The following ATXN1 variants were observed in gnomAD, a reference collection of about 807,000 sequenced individuals.
ATXN1 encodes ataxin 1, also known as ataxin-1.
A neutral mutation model predicts 56.4 loss-of-function variants in ATXN1; 8 were observed. The observed-to-expected ratio is 0.14, with a 90% CI of 0.08 to 0.26. ATXN1 has a LOEUF of 0.26. ATXN1 is among the 10% of genes least tolerant of loss of function. The pLI is 1.00. For missense variants in ATXN1, 987 were observed against 1,106.5 expected, an observed-to-expected ratio of 0.89 and a Z score of 1.53; for synonymous variants, 514 against 494.6, an observed-to-expected ratio of 1.04 and a Z score of -0.52.
At chr6:16,384,089 T>C (rs1016367476) in intron 6 of ATXN1, among the ~76,000 whole-genome samples, 5 of 152,206 alleles carry the variant, frequency 3.3e-5, no homozygotes, top group Non-Finnish European at 2.9e-5. Context: ...ATGCACCTGA[T>C]TGCAACATAT....
intron 6 of ATXN1, among the ~76,000 whole-genome samples, chr6:16,440,648 A>AAAAAAAAAAAAAAAAAGAAAG (rs748929817): frequency 2.7e-3 from 322 of 118,134 alleles, no homozygotes; most frequent in Middle Eastern, 3.9e-3. Context: ...CTTAAAAAAA[A>AAAAAAAAAAAAAAAAAGAAAG]AAAAGAAAAG....
At chr6:16,664,736 C>G (rs1054214402) in intron 2 of ATXN1, among the ~76,000 whole-genome samples, 1 of 151,976 alleles carries the variant, frequency 6.6e-6, no homozygotes, top group Admixed American at 6.6e-5. Flanking sequence ...CACTTAAAAG[C>G]TCCTTGGGTC....
intron 2 of ATXN1, among the ~76,000 whole-genome samples, chr6:16,666,060 C>CT (rs1758418267): frequency 6.6e-6 from 1 of 152,104 alleles, no homozygotes; most frequent in South Asian, 2.1e-4. Flanking sequence ...CCCTATTGTG[C>CT]TACTGAACAC....
chr6:16,588,350 C>T (rs986650153), intron 3 of ATXN1, among the ~76,000 whole-genome samples: 2 of 152,254 alleles, frequency 1.3e-5, no homozygotes, highest in African/African-American at 4.8e-5. Flanking sequence ...ACTTGCACTA[C>T]AGCATGGCTG....
At position 16,402,242 on chromosome 6, in the gene ATXN1, GTTTTTTTTTTTTTTTT is replaced by G. The variant is rs58048762; in HGVS notation, c.-160-73788_-160-73773del. On this transcript the variant is annotated intron_variant, in intron 6 of 7. Coordinates refer to ENST00000436367, the MANE Select transcript of ATXN1 (RefSeq NM_001128164.2). ...CAAGACTTCTCGCCAACCACTGACA[GTTTTTTTTTTTTTTTT>G]TTTTTTTTTTTTTTTTTTTTTTGCT... Among the ~76,000 whole-genome samples the G allele has an allele frequency of 3.1e-3, 191 of 62,108 alleles. 2 individuals are homozygous for G. The highest frequency in any genetic ancestry group is 0.02 in the Middle Eastern group (2 of 100). The allele number at this position is 62,108 out of a possible 152,430, so 40.7% of individuals were successfully genotyped here.
chr6:16,367,775 T>C (rs1270378184), intron 6 of ATXN1, among the ~76,000 whole-genome samples: 1 of 150,896 alleles, frequency 6.6e-6, no homozygotes, highest in Non-Finnish European at 1.5e-5. Context: ...CTAGACTAAA[T>C]TCTTGTTGAC....
intron 6 of ATXN1, among the ~76,000 whole-genome samples, chr6:16,386,990 C>T (rs1401526262): frequency 6.6e-6 from 1 of 152,178 alleles, no homozygotes; most frequent in Non-Finnish European, 1.5e-5. Context: ...ATCATTTTTA[C>T]TCCCAGGGCT....
At chr6:16,675,521 A>G (rs17668407) in intron 2 of ATXN1, among the ~76,000 whole-genome samples, 4,720 of 152,270 alleles carry the variant, frequency 0.031, 115 homozygotes, top group Non-Finnish European at 0.051. Context: ...AACTTATGGC[A>G]CACATGAAGG....
chr6:16,334,739 G>T (rs1761079069), intron 6 of ATXN1, among the ~76,000 whole-genome samples: 1 of 152,102 alleles, frequency 6.6e-6, no homozygotes, highest in Admixed American at 6.6e-5. Context: ...AGAAAACAAT[G>T]TTCAGAATAA....
chr6:16,659,995 T>C (rs1011784878), intron 2 of ATXN1, among the ~76,000 whole-genome samples: 2 of 152,206 alleles, frequency 1.3e-5, no homozygotes, highest in African/African-American at 4.8e-5. Flanking sequence ...CTTACTTATA[T>C]CTGTAGATGT....
chr6:16,717,834 C>T (rs1759669715), intron 2 of ATXN1, among the ~76,000 whole-genome samples: 1 of 152,218 alleles, frequency 6.6e-6, no homozygotes, highest in Non-Finnish European at 1.5e-5. Context: ...GCAGATCCAG[C>T]CAGCCCTCGC....
At chr6:16,347,944 A>T (rs1761461532) in intron 6 of ATXN1, among the ~76,000 whole-genome samples, 1 of 152,160 alleles carries the variant, frequency 6.6e-6, no homozygotes, top group Non-Finnish European at 1.5e-5. Context: ...TGCCTGTATG[A>T]GCTATAACAC....
At chr6:16,554,231 A>G (rs1448468373) in intron 4 of ATXN1, among the ~76,000 whole-genome samples, 1 of 152,240 alleles carries the variant, frequency 6.6e-6, no homozygotes, top group Non-Finnish European at 1.5e-5. Flanking sequence ...TGATTCATGG[A>G]AAAGATGATC....
At chr6:16,412,302 C>T (rs183150958) in intron 6 of ATXN1, among the ~76,000 whole-genome samples, 9 of 152,154 alleles carry the variant, frequency 5.9e-5, no homozygotes, top group African/African-American at 2.2e-4. Flanking sequence ...AAGTGAGAGA[C>T]TATTAAGATT....
In ATXN1 at chr6:16,304,727, CAAACCTT is replaced by C. The variant is rs1760200722; in HGVS notation, c.*1595_*1601del. The C allele has an allele frequency of 6.6e-6, 1 of 152,642 alleles. No homozygotes were observed. Among genetic ancestry groups the C allele is most frequent in the South Asian group, 2.1e-4 (1 of 4,834 alleles). The allele number at this position is 152,642 out of a possible 1,614,324, so 9.5% of individuals were successfully genotyped here. A position where few individuals can be genotyped will look rare whatever the true frequency, so the allele number is the denominator to read the frequency against. On this transcript the variant is annotated 3_prime_UTR_variant, in exon 8 of 8. Transcript: ENST00000436367. Reference sequence around the variant, plus strand: ...ATTTATTTATGCTCGTTCAGTCCCCCAAACCTTTCCCACAATGTTATTGGATAAAAAC... The same window carrying C: ...ATTTATTTATGCTCGTTCAGTCCCCCTCCCACAATGTTATTGGATAAAAAC...
At chr6:16,392,341 G>C (rs1444445625) in intron 6 of ATXN1, among the ~76,000 whole-genome samples, 2 of 152,200 alleles carry the variant, frequency 1.3e-5, no homozygotes, top group Non-Finnish European at 2.9e-5. Flanking sequence ...CAATCTTTTA[G>C]ACCTGACCTT....
At chr6:16,431,600 G>A (rs1759284911) in intron 6 of ATXN1, among the ~76,000 whole-genome samples, 1 of 151,978 alleles carries the variant, frequency 6.6e-6, no homozygotes, top group South Asian at 2.1e-4. Context: ...CTATCTATTG[G>A]GTATTTAACT....
At chr6:16,521,184 TCTAA>T (rs1459046870) in intron 5 of ATXN1, among the ~76,000 whole-genome samples, 1 of 152,172 alleles carries the variant, frequency 6.6e-6, no homozygotes, top group Non-Finnish European at 1.5e-5. Flanking sequence ...CTTCTGGGAT[TCTAA>T]CTGAGAATCA....
rs1238796222 is a variant in ATXN1 at position 16,326,844 on chromosome 6, G to A, written c.1467C>T (p.Pro489=). The A allele has an allele frequency of 6.2e-7, 1 of 1,609,322 alleles. No homozygotes were observed. The highest frequency in any genetic ancestry group is 2.2e-5 in the East Asian group (1 of 44,768). Residue 489 remains proline, a synonymous_variant, in exon 7 of 8, where the codon CCC becomes CCT. Transcript: ENST00000436367. The surrounding 1 kb of genome is among the most constrained non-coding windows in gnomAD (Gnocchi z 6.6). ...PQHLVIPGTQ[P]LLIPVGSTDM... Reference sequence around the variant, plus strand: ...CAGTGCTGCCGACCGGGATGAGCAGGGGCTGTGTGCCGGGGATCACCAGGT... The same window carrying A: ...CAGTGCTGCCGACCGGGATGAGCAGAGGCTGTGTGCCGGGGATCACCAGGT...
Sources: allele counts gnomAD v4.1 joint callset (sites outside exome capture counted in the v4.1 genomes callset), GRCh38; gene constraint gnomAD v4.1.1; non-coding constraint Gnocchi (gnomAD v3.1); transcripts MANE v1.5; gene names NCBI Gene and HGNC (gene_info 2026-07-23, HGNC 2026-07-21).